NOL4: variants seen among roughly 807,000 people sequenced by gnomAD.
The protein encoded by NOL4 is nucleolar protein 4.
NOL4 carries 17 observed loss-of-function variants against 75.9 expected under a neutral mutation model. The observed-to-expected ratio is 0.22, with a 90% confidence interval of 0.15 to 0.34. NOL4 has a LOEUF of 0.34. NOL4 is among the 10% of genes least tolerant of loss of function. The pLI, the probability that NOL4 is intolerant of heterozygous loss-of-function variation, is 1.00. For missense variants in NOL4, 614 were observed against 793.5 expected (o/e 0.77, Z 2.72); for synonymous variants, 292 against 289.9 (o/e 1.01, Z -0.07).
intron 1 of NOL4, among the ~76,000 whole-genome samples, chr18:34,211,111 A>AGAAGGAAAGAAG (rs1169034663): frequency 3.4e-5 from 5 of 149,218 alleles, no homozygotes; most frequent in Non-Finnish European, 7.4e-5. Flanking sequence ...AAGGAAGGAA[A>AGAAGGAAAGAAG]GAAGGAAGGA....
chr18:34,194,782 T>G (rs2146433268), intron 1 of NOL4, among the ~76,000 whole-genome samples: 1 of 152,196 alleles, frequency 6.6e-6, no homozygotes, highest in African/African-American at 2.4e-5. Flanking sequence ...CCCTGCACTT[T>G]GGGAGGCCGA....
At chr18:34,091,121 G>A (rs984239463) in intron 5 of NOL4, among the ~76,000 whole-genome samples, 1 of 151,306 alleles carries the variant, frequency 6.6e-6, no homozygotes, top group Non-Finnish European at 1.5e-5. Flanking sequence ...AGGCTGAGAC[G>A]GGCAGATAAC....
At chr18:34,203,018 A>G (rs1476063330) in intron 1 of NOL4, among the ~76,000 whole-genome samples, 1 of 152,052 alleles carries the variant, frequency 6.6e-6, no homozygotes, top group African/African-American at 2.4e-5. Flanking sequence ...GTAACAGCCC[A>G]AAGCTGAAAT....
At chr18:33,909,734 T>A (rs1478979392) in intron 9 of NOL4, among the ~76,000 whole-genome samples, 1 of 152,050 alleles carries the variant, frequency 6.6e-6, no homozygotes, top group Non-Finnish European at 1.5e-5. Context: ...GTCATCTGGG[T>A]GCTGGGAATA....
chr18:33,961,421 A>T (rs2070118920), intron 6 of NOL4, among the ~76,000 whole-genome samples: 1 of 152,066 alleles, frequency 6.6e-6, no homozygotes, highest in South Asian at 2.1e-4. Context: ...CTGACTGCTG[A>T]GCTAAGAGAC....
At chr18:34,215,026 G>A (rs929360913) in intron 1 of NOL4, among the ~76,000 whole-genome samples, 1 of 152,128 alleles carries the variant, frequency 6.6e-6, no homozygotes, top group East Asian at 1.9e-4. Flanking sequence ...GGAAAAAGGG[G>A]AACTGTTGTA....
chr18:33,909,115 A>G (rs2066238369), intron 9 of NOL4, among the ~76,000 whole-genome samples: 1 of 152,162 alleles, frequency 6.6e-6, no homozygotes, highest in African/African-American at 2.4e-5. Flanking sequence ...TCTCAAAAAT[A>G]TGCACATATG....
intron 1 of NOL4, among the ~76,000 whole-genome samples, chr18:34,156,165 AC>A (rs1183391991): frequency 9.2e-5 from 14 of 152,272 alleles, no homozygotes; most frequent in Non-Finnish European, 1.9e-4. Context: ...TAAAATGTTT[AC>A]CAGAGTAAGA....
intron 10 of NOL4, among the ~76,000 whole-genome samples, chr18:33,860,558 A>G (rs1400440420): frequency 6.6e-6 from 1 of 152,204 alleles, no homozygotes; most frequent in East Asian, 1.9e-4. Context: ...TTTTCTAGAT[A>G]TAGAATCATG....
At position 34,211,914 on chromosome 18, in the gene NOL4, A is replaced by C. The variant is rs2036541390; in HGVS notation, c.264+11076T>G. On this transcript the variant is annotated intron_variant, in intron 1 of 10. Coordinates refer to ENST00000261592, the MANE Select transcript of NOL4 (RefSeq NM_003787.5). ...ATTCTATTCCCCAAATGTTAGGTAG[A>C]TCTTCTTCAAAATGTGTAATATTTA... Among the ~76,000 whole-genome samples, 3 of 152,282 alleles carry C rather than the reference A, an allele frequency of 2.0e-5. No individual in the cohort carries two copies. The South Asian group carries it at 6.2e-4, about 32-fold the overall frequency.
intron 5 of NOL4, among the ~76,000 whole-genome samples, chr18:34,024,191 A>AT (rs201817631): frequency 0.012 from 1,329 of 113,764 alleles, 51 homozygotes; most frequent in East Asian, 0.078. Context: ...GAAAAAAAAA[A>AT]AAAATATATA....
At chr18:33,988,858 G>C (rs902282248) in intron 6 of NOL4, among the ~76,000 whole-genome samples, 6 of 152,058 alleles carry the variant, frequency 3.9e-5, no homozygotes, top group Admixed American at 3.9e-4. Context: ...ATGGAACCAA[G>C]TACAATTTGG....
At chr18:34,144,809 G>A (rs1441858984) in intron 1 of NOL4, among the ~76,000 whole-genome samples, 1 of 152,074 alleles carries the variant, frequency 6.6e-6, no homozygotes, top group Non-Finnish European at 1.5e-5. Context: ...AAATCAAAGT[G>A]CCCTTTACGT....
chr18:34,091,950 G>A (rs2078541265), intron 5 of NOL4, among the ~76,000 whole-genome samples: 1 of 152,098 alleles, frequency 6.6e-6, no homozygotes. Flanking sequence ...CACAGCAGTT[G>A]TGCCATAGCC....
chr18:33,909,072 G>C (rs2066236234), intron 9 of NOL4, among the ~76,000 whole-genome samples: 1 of 151,996 alleles, frequency 6.6e-6, no homozygotes, highest in African/African-American at 2.4e-5. Context: ...TGTTATTTAA[G>C]TTGTTAATTT....
intron 9 of NOL4, among the ~76,000 whole-genome samples, chr18:33,892,781 G>A (rs1169422144): frequency 1.3e-5 from 2 of 151,890 alleles, no homozygotes; most frequent in African/African-American, 4.8e-5. Flanking sequence ...CCTCAGCCTT[G>A]TGAGTAGCTG....
chr18:34,049,048 A>T (rs899965315), intron 5 of NOL4, among the ~76,000 whole-genome samples: 1 of 146,310 alleles, frequency 6.8e-6, no homozygotes, highest in African/African-American at 2.5e-5. Flanking sequence ...CCATTGTATC[A>T]ACTTGAAGGT....
At chr18:34,101,080 C>T (rs1568341496) in intron 4 of NOL4, among the ~76,000 whole-genome samples, 1 of 152,134 alleles carries the variant, frequency 6.6e-6, no homozygotes, top group African/African-American at 2.4e-5. Flanking sequence ...ATAATTTCAC[C>T]TCTTTTCACT....
intron 5 of NOL4, among the ~76,000 whole-genome samples, chr18:34,079,321 G>A (rs1042790468): frequency 6.6e-6 from 1 of 151,982 alleles, no homozygotes; most frequent in African/African-American, 2.4e-5. Context: ...GCTTCCAGGT[G>A]ACAGATTCAG....
Sources: allele counts gnomAD v4.1 joint callset (sites outside exome capture counted in the v4.1 genomes callset), GRCh38; gene constraint gnomAD v4.1.1; transcripts MANE v1.5; gene names NCBI Gene and HGNC (gene_info 2026-07-23, HGNC 2026-07-21).